The following ELAPOR2 variants were observed in gnomAD, a reference collection of about 807,000 sequenced individuals.
ELAPOR2 encodes the protein endosome/lysosome-associated apoptosis and autophagy regulator family member 2.
ELAPOR2 carries 89 observed loss-of-function variants against 120.7 expected under a neutral mutation model. That is an observed-to-expected ratio of 0.74 (90% confidence interval 0.62 to 0.88). The LOEUF is 0.88. Ranked by LOEUF, ELAPOR2 falls within the 40% of genes least tolerant of loss-of-function variation. The pLI is 0.00. For synonymous variants in ELAPOR2, 444 were observed against 444.9 expected (o/e 1.00, Z 0.03); for missense variants, 1,134 against 1,251.6 (o/e 0.91, Z 1.42).
At chr7:86,910,061 T>C in intron 15 of ELAPOR2, 60 bp from the exon 16 acceptor site, 1 of 1,334,392 alleles carries the variant, frequency 7.5e-7, no homozygotes, top group Non-Finnish European at 1.0e-6. Context: ...AAACTTAATC[T>C]TGACTAGCTA....
intron 21 of ELAPOR2, among the ~76,000 whole-genome samples, chr7:86,883,488 T>C (rs949804793): frequency 5.3e-5 from 8 of 152,124 alleles, no homozygotes; most frequent in African/African-American, 1.9e-4. Context: ...ACACTGGAAA[T>C]AGCACAGGTA....
At chr7:87,028,909 A>G (rs969876960) in intron 1 of ELAPOR2, among the ~76,000 whole-genome samples, 2 of 152,116 alleles carry the variant, frequency 1.3e-5, no homozygotes, top group African/African-American at 4.8e-5. Flanking sequence ...CTCTCCTCTG[A>G]ACACTTAAAG....
At chr7:87,043,726 T>C (rs942958266) in intron 1 of ELAPOR2, among the ~76,000 whole-genome samples, 3 of 150,844 alleles carry the variant, frequency 2.0e-5, no homozygotes, top group Non-Finnish European at 3.0e-5. Flanking sequence ...CTCTCTCCAC[T>C]CCTATTCAAC....
At chr7:86,921,857 A>C (rs1320338104) in intron 10 of ELAPOR2, among the ~76,000 whole-genome samples, 1 of 152,054 alleles carries the variant, frequency 6.6e-6, no homozygotes, top group Non-Finnish European at 1.5e-5. Context: ...CCAAATCAAT[A>C]TAAGTGCCTT....
At chr7:86,974,702 A>G (rs1261516282) in intron 1 of ELAPOR2, among the ~76,000 whole-genome samples, 2 of 151,720 alleles carry the variant, frequency 1.3e-5, no homozygotes, top group African/African-American at 2.4e-5. Flanking sequence ...TCTTTATTCT[A>G]TATAATTATG....
intron 15 of ELAPOR2, among the ~76,000 whole-genome samples, chr7:86,910,385 G>T (rs906394877): frequency 1.3e-5 from 2 of 152,124 alleles, no homozygotes; most frequent in African/African-American, 4.8e-5. Context: ...AAGCTTCAGT[G>T]TCAAAGAAAA....
At chr7:86,894,949 G>A (rs1157590517) in intron 19 of ELAPOR2, among the ~76,000 whole-genome samples, 1 of 151,898 alleles carries the variant, frequency 6.6e-6, no homozygotes, top group Non-Finnish European at 1.5e-5. Context: ...CAAGTTGTGC[G>A]GCTCTTTTTG....
At chr7:86,980,772 CATTA>C (rs1792445028) in intron 1 of ELAPOR2, among the ~76,000 whole-genome samples, 1 of 152,098 alleles carries the variant, frequency 6.6e-6, no homozygotes, top group African/African-American at 2.4e-5. Context: ...CCTTTCATTC[CATTA>C]ATTATTCTGC....
intron 1 of ELAPOR2, among the ~76,000 whole-genome samples, chr7:86,987,731 G>A (rs7459000): frequency 0.37 from 56,096 of 149,928 alleles, 11,361 homozygotes; most frequent in African/African-American, 0.52. Context: ...AAATAGGAAC[G>A]CTTTTACACT....
At chr7:86,917,711 C>T (rs1789629907) in intron 12 of ELAPOR2, among the ~76,000 whole-genome samples, 1 of 151,980 alleles carries the variant, frequency 6.6e-6, no homozygotes, top group Admixed American at 6.6e-5. Context: ...TTTAAGCTAT[C>T]AGTAATCACA....
chr7:86,983,177 T>C (rs928528899), intron 1 of ELAPOR2, among the ~76,000 whole-genome samples: 10 of 152,156 alleles, frequency 6.6e-5, no homozygotes, highest in African/African-American at 2.4e-4. Flanking sequence ...CCAACAAATA[T>C]GGGACTATGT....
intron 18 of ELAPOR2, among the ~76,000 whole-genome samples, chr7:86,904,632 T>C (rs1788885859): frequency 6.6e-6 from 1 of 152,208 alleles, no homozygotes; most frequent in South Asian, 2.1e-4. Context: ...GCTTGGTGTT[T>C]CCAGCTGCAG....
At chr7:86,980,085 C>T (rs887187894) in intron 1 of ELAPOR2, among the ~76,000 whole-genome samples, 1 of 152,106 alleles carries the variant, frequency 6.6e-6, no homozygotes, top group African/African-American at 2.4e-5. Flanking sequence ...AGAAATTATA[C>T]AAAATTAAGT....
intron 1 of ELAPOR2, among the ~76,000 whole-genome samples, chr7:86,992,948 G>T (rs961907895): frequency 3.3e-5 from 5 of 152,064 alleles, no homozygotes; most frequent in Non-Finnish European, 7.4e-5. Flanking sequence ...AAAGTATAAA[G>T]AAAATCTTGC....
chr7:87,037,699 C>T (rs572037697), intron 1 of ELAPOR2, among the ~76,000 whole-genome samples: 7 of 152,220 alleles, frequency 4.6e-5, no homozygotes, highest in African/African-American at 7.2e-5. Flanking sequence ...TAGCTTGCCT[C>T]GCAAGACCTT....
At chr7:86,931,573 A>T (rs1396421573) in intron 8 of ELAPOR2, among the ~76,000 whole-genome samples, 1 of 151,956 alleles carries the variant, frequency 6.6e-6, no homozygotes, top group South Asian at 2.1e-4. Flanking sequence ...AGAACACAGC[A>T]CTCAAAATGT....
chr7:86,952,967 A>AG (rs1791323606), intron 2 of ELAPOR2, among the ~76,000 whole-genome samples: 1 of 151,920 alleles, frequency 6.6e-6, no homozygotes, highest in Admixed American at 6.6e-5. Context: ...GAGGTGGCGC[A>AG]CACCTGTAAT....
At chr7:86,993,376 A>G (rs2116605979) in intron 1 of ELAPOR2, among the ~76,000 whole-genome samples, 1 of 152,354 alleles carries the variant, frequency 6.6e-6, no homozygotes, top group Middle Eastern at 3.4e-3. Flanking sequence ...AGCACTAGGA[A>G]TATGACAGTG....
At chr7:87,012,543 A>T (rs1380693303) in intron 1 of ELAPOR2, among the ~76,000 whole-genome samples, 2 of 152,178 alleles carry the variant, frequency 1.3e-5, no homozygotes, top group Admixed American at 6.6e-5. Context: ...GCTAGGGATC[A>T]TTTTTGCATT....
Sources: gnomAD v4.1 joint callset for allele counts (sites outside exome capture counted in the v4.1 genomes callset) on GRCh38, gnomAD v4.1.1 for gene constraint, MANE v1.5 for transcripts, NCBI Gene and HGNC (gene_info 2026-07-23, HGNC 2026-07-21) for gene names.